Variants in FBXL4 observed in about 807,000 individuals in gnomAD.
FBXL4 encodes F-box and leucine rich repeat protein 4, also known as F-box/LRR-repeat protein 4.
A neutral mutation model predicts 58.9 loss-of-function variants in FBXL4; 40 were observed. The observed-to-expected ratio is 0.68, with a 90% CI of 0.53 to 0.88. The LOEUF (loss-of-function observed/expected upper bound fraction) is 0.88, where lower values mean the gene tolerates loss of function less well. Ranked by LOEUF, FBXL4 falls within the 40% of genes least tolerant of loss-of-function variation. The pLI is 0.00. For synonymous variants in FBXL4, 263 were observed against 265.5 expected (o/e 0.99, Z 0.09); for missense variants, 676 against 734.4 (o/e 0.92, Z 0.92).
At chr6:98,906,888 T>C (rs909873960) in intron 5 of FBXL4, among the ~76,000 whole-genome samples, 1 of 152,190 alleles carries the variant, frequency 6.6e-6, no homozygotes, top group African/African-American at 2.4e-5. Flanking sequence ...TGGTATCTCA[T>C]TGTGATTTTG....
intron 7 of FBXL4, chr6:98,896,670 T>A (rs1771420470): frequency 1.6e-6 from 1 of 633,624 alleles, no homozygotes; most frequent in Non-Finnish European, 2.0e-6. Context: ...TCAGAAAAAT[T>A]ACGTAGTGTT....
At chr6:98,911,774 C>G (rs987193323) in intron 5 of FBXL4, among the ~76,000 whole-genome samples, 24 of 152,318 alleles carry the variant, frequency 1.6e-4, no homozygotes, top group African/African-American at 4.8e-4. Context: ...CAGAGCGCCT[C>G]TCCTCCAAAG....
chr6:98,915,205 G>A (rs1361637373), intron 5 of FBXL4, among the ~76,000 whole-genome samples: 1 of 151,432 alleles, frequency 6.6e-6, no homozygotes, highest in African/African-American at 2.4e-5. Flanking sequence ...CCATGCTCAT[G>A]GGTAGGAAGA....
At chr6:98,939,148 G>GATGAA (rs1191512924) in intron 1 of FBXL4, among the ~76,000 whole-genome samples, 3 of 149,468 alleles carry the variant, frequency 2.0e-5, no homozygotes, top group Admixed American at 6.7e-5. Context: ...GAGGAAGGGA[G>GATGAA]ATGAAATGAA....
intron 8 of FBXL4, among the ~76,000 whole-genome samples, chr6:98,879,356 G>A (rs1770765584): frequency 6.6e-6 from 1 of 152,122 alleles, no homozygotes. Context: ...CATTGTTTTA[G>A]GGAACAGGGG....
intron 5 of FBXL4, among the ~76,000 whole-genome samples, chr6:98,907,419 A>G (rs1448017951): frequency 2.0e-5 from 3 of 152,212 alleles, no homozygotes; most frequent in African/African-American, 7.2e-5. Flanking sequence ...ATAGGAAATA[A>G]GGGGTCTGCT....
intron 5 of FBXL4, among the ~76,000 whole-genome samples, chr6:98,916,530 A>T (rs1384330810): frequency 6.6e-6 from 1 of 152,124 alleles, no homozygotes; most frequent in Non-Finnish European, 1.5e-5. Flanking sequence ...ACATGGATGA[A>T]ATTGGAAATC....
Position 98,875,472 on chromosome 6 carries a change from T to C in FBXL4, c.1645A>G (p.Thr549Ala), listed in dbSNP as rs1772030760. ...TTACATGCCAATTCATCAATGTCTG[T>C]GTCACACACAGATCTATTAGCTGTA... ...FLTANRSVCD[T>A]DIDELACNCT... The change falls in exon 9 of 10, where the codon ACA becomes GCA. Residue 549 changes from threonine (T) to alanine (A), a missense_variant. By Grantham distance (58) the Thr-to-Ala change is moderately conservative. Transcript: ENST00000369244. The C allele has an allele frequency of 1.9e-6, 3 of 1,614,024 alleles. No individual in the cohort carries two copies.
At chr6:98,941,312 G>A (rs185169168) in intron 1 of FBXL4, among the ~76,000 whole-genome samples, 1 of 151,368 alleles carries the variant, frequency 6.6e-6, no homozygotes, top group Non-Finnish European at 1.5e-5. Flanking sequence ...GAGGTCTGAT[G>A]CAAAAACTAC....
intron 3 of FBXL4, 43 bp from the exon 4 acceptor site, chr6:98,927,103 A>T (rs1044440436): frequency 9.6e-7 from 1 of 1,042,944 alleles, no homozygotes; most frequent in Non-Finnish European, 1.4e-6. Flanking sequence ...AATTTAAATA[A>T]GCAGAAAAAT....
chr6:98,945,671 T>C (rs1773595365), intron 1 of FBXL4, among the ~76,000 whole-genome samples: 1 of 152,168 alleles, frequency 6.6e-6, no homozygotes. Flanking sequence ...GATATGAGGA[T>C]ATCTTCCTCA....
At chr6:98,939,165 C>T (rs185597482) in intron 1 of FBXL4, among the ~76,000 whole-genome samples, 39 of 143,846 alleles carry the variant, frequency 2.7e-4, no homozygotes, top group Admixed American at 1.2e-3. Context: ...TGAAACGAAA[C>T]GAAATGAAAT....
chr6:98,905,730 C>A, intron 5 of FBXL4, 60 bp from the exon 6 acceptor site: 1 of 1,521,590 alleles, frequency 6.6e-7, no homozygotes, highest in South Asian at 1.2e-5. Flanking sequence ...TTCTATGAAA[C>A]ATATAACATA....
At chr6:98,915,716 C>A (rs1441819650) in intron 5 of FBXL4, among the ~76,000 whole-genome samples, 1 of 152,104 alleles carries the variant, frequency 6.6e-6, no homozygotes, top group East Asian at 1.9e-4. Context: ...CCATAAAAAC[C>A]TTAGAAGGAA....
chr6:98,900,599 CCA>C (rs3831745), intron 6 of FBXL4, among the ~76,000 whole-genome samples: 2,923 of 152,238 alleles, frequency 0.019, 155 homozygotes, highest in East Asian at 0.18. Context: ...ACAACATTCA[CCA>C]CACTGCCTCG....
At chr6:98,888,394 G>A (rs751536084) in intron 7 of FBXL4, among the ~76,000 whole-genome samples, 32 of 152,152 alleles carry the variant, frequency 2.1e-4, no homozygotes, top group Non-Finnish European at 2.9e-5. Context: ...CTACTTAGGA[G>A]AACAAAACAA....
chr6:98,893,321 G>A (rs1353979106), intron 7 of FBXL4, among the ~76,000 whole-genome samples: 1 of 152,126 alleles, frequency 6.6e-6, no homozygotes, highest in African/African-American at 2.4e-5. Context: ...TACAATTCTG[G>A]AGGCTAGAAA....
chr6:98,886,373 C>G (rs893277158), intron 7 of FBXL4, among the ~76,000 whole-genome samples: 4 of 152,124 alleles, frequency 2.6e-5, no homozygotes, highest in African/African-American at 9.7e-5. Flanking sequence ...TTTTAGAAAT[C>G]TGAGTACATT....
At chr6:98,914,935 A>C (rs195816) in intron 5 of FBXL4, among the ~76,000 whole-genome samples, 49,628 of 151,934 alleles carry the variant, frequency 0.33, 9,261 homozygotes, top group East Asian at 0.69. Flanking sequence ...GTCTCAGCCC[A>C]AAATCTCCTT....
Sources: allele counts gnomAD v4.1 joint callset (sites outside exome capture counted in the v4.1 genomes callset), GRCh38; gene constraint gnomAD v4.1.1; transcripts MANE v1.5; gene names NCBI Gene and HGNC (gene_info 2026-07-23, HGNC 2026-07-21).